The following ABLIM1 variants were observed in gnomAD, a reference collection of about 807,000 sequenced individuals.
ABLIM1 encodes the protein actin binding LIM protein 1, also known as actin-binding LIM protein 1.
Under a neutral mutation model 107.0 loss-of-function variants are expected in ABLIM1, and 40 were observed. The ratio of observed to expected loss-of-function variants is 0.37; its 90% CI spans 0.29 to 0.49. The LOEUF (loss-of-function observed/expected upper bound fraction) is 0.49, where lower values mean the gene tolerates loss of function less well. Among genes scored for constraint, ABLIM1 ranks in the 20% least tolerant of loss-of-function variants. ABLIM1 has a pLI of 0.97. For synonymous variants in ABLIM1, 357 were observed against 357.3 expected, an observed-to-expected ratio of 1.00 and a Z score of 0.01; for missense variants, 857 against 1,008.5, an observed-to-expected ratio of 0.85 and a Z score of 2.04.
At chr10:114,721,267 T>C (rs2081839993) in intron 1 of ABLIM1, among the ~76,000 whole-genome samples, 1 of 152,136 alleles carries the variant, frequency 6.6e-6, no homozygotes, top group Admixed American at 6.5e-5. Context: ...GCTTCACCTC[T>C]GGGAGTGGAG....
At chr10:114,796,429 G>A in the ABLIM1 span, among the ~76,000 whole-genome samples, 3 of 152,178 alleles carry the variant, frequency 2.0e-5, no homozygotes, top group African/African-American at 4.8e-5. Flanking sequence ...GGTTGTTTGT[G>A]ATATGTCAGT....
At chr10:114,489,066 G>A (rs1439665483) in intron 7 of ABLIM1, among the ~76,000 whole-genome samples, 1 of 151,774 alleles carries the variant, frequency 6.6e-6, no homozygotes, top group Non-Finnish European at 1.5e-5. Context: ...TCCCAGGCTG[G>A]AGTGCAAGTG....
At chr10:114,603,609 A>C (rs2076192913) in intron 1 of ABLIM1, among the ~76,000 whole-genome samples, 1 of 151,814 alleles carries the variant, frequency 6.6e-6, no homozygotes, top group Non-Finnish European at 1.5e-5. Flanking sequence ...GATGTGTATG[A>C]AGGCCAAAAA....
At chr10:114,553,034 A>G (rs888425499) in intron 4 of ABLIM1, among the ~76,000 whole-genome samples, 7 of 152,216 alleles carry the variant, frequency 4.6e-5, no homozygotes, top group Non-Finnish European at 7.3e-5. Context: ...TCTCCTGGGC[A>G]GCAATTAAGC....
chr10:114,478,700 T>C (rs1236997173), intron 8 of ABLIM1, among the ~76,000 whole-genome samples: 1 of 152,238 alleles, frequency 6.6e-6, no homozygotes, highest in Admixed American at 6.5e-5. Flanking sequence ...CTTTTCTTTA[T>C]AAATTACCCC....
chr10:114,647,863 AT>A (rs2079073034), intron 1 of ABLIM1, among the ~76,000 whole-genome samples: 2 of 152,242 alleles, frequency 1.3e-5, no homozygotes, highest in Non-Finnish European at 2.9e-5. Flanking sequence ...CAGAAAGTGA[AT>A]TTACAAGCCA....
chr10:114,673,634 G>C (rs1407915758), intron 1 of ABLIM1, among the ~76,000 whole-genome samples: 1 of 152,192 alleles, frequency 6.6e-6, no homozygotes, highest in African/African-American at 2.4e-5. Context: ...TCCTTGGAGA[G>C]GTCTTCCTGG....
chr10:114,575,175 C>T (rs1455486701), intron 3 of ABLIM1, among the ~76,000 whole-genome samples: 1 of 152,170 alleles, frequency 6.6e-6, no homozygotes, highest in Non-Finnish European at 1.5e-5. Context: ...CCCAGAGCTG[C>T]TTTCAGAATT....
At position 114,440,215 on chromosome 10, in the gene ABLIM1, T is replaced by G. The variant is rs564864913; in HGVS notation, c.2060-126A>C. ...CCTATAAACCATGTTCTTTTTCTGC[T>G]CCCAGACTCTGCACATGTTATCCCA... On this transcript the variant is annotated intron_variant, in intron 19 of 22. Coordinates refer to ENST00000533213, the MANE Select transcript of ABLIM1 (RefSeq NM_002313.7). The G allele has an allele frequency of 5.8e-4, 563 of 964,400 alleles. 6 individuals are homozygous for G. In the South Asian group the frequency reaches 7.7e-3, roughly 13 times the overall value. The allele number at this position is 964,400 out of a possible 1,614,324, so 59.7% of individuals were successfully genotyped here.
At chr10:114,451,568 G>C (rs752234288) in intron 14 of ABLIM1, 56 bp downstream of exon 14, 8 of 1,504,846 alleles carry the variant, frequency 5.3e-6, no homozygotes, top group Non-Finnish European at 7.4e-6. Context: ...GGACAGCAAG[G>C]AGAAGTTCAG....
chr10:114,460,019 A>G (rs2063540487), intron 12 of ABLIM1, among the ~76,000 whole-genome samples: 1 of 152,250 alleles, frequency 6.6e-6, no homozygotes, highest in African/African-American at 2.4e-5. Context: ...TAAATGACTG[A>G]GGATCATTCT....
At chr10:114,633,357 G>A (rs2078297082) in intron 1 of ABLIM1, among the ~76,000 whole-genome samples, 1 of 152,104 alleles carries the variant, frequency 6.6e-6, no homozygotes, top group South Asian at 2.1e-4. Flanking sequence ...ATCTTGGGCA[G>A]GTCTTCATTG....
chr10:114,508,052 C>G (rs867332732), intron 6 of ABLIM1, among the ~76,000 whole-genome samples: 1 of 152,242 alleles, frequency 6.6e-6, no homozygotes, highest in Admixed American at 6.5e-5. Flanking sequence ...AGGCTTCCAT[C>G]CCCGTTGCTC....
At position 114,767,320 on chromosome 10, in the gene ABLIM1, G is replaced by T. The variant is rs781192212; in HGVS notation, c.-213+741C>A. 4.9e-4 allele frequency among the ~76,000 whole-genome samples: 75 copies of T among 152,042 alleles called. 1 individual carries two copies. The highest frequency in any genetic ancestry group is 2.2e-4 in the Non-Finnish European group (15 of 68,004). The stretch of plus-strand genomic sequence containing the variant: ...TCAATATTTTCTTTAAATGCTTACG[G>T]CAAAGCAACCAATTCACTTCATTTT... On this transcript the variant is annotated intron_variant, in intron 1 of 15. Transcript: ENST00000651092.
chr10:114,464,473 AC>A (rs2064704780), intron 12 of ABLIM1, among the ~76,000 whole-genome samples: 1 of 152,216 alleles, frequency 6.6e-6, no homozygotes, highest in South Asian at 2.1e-4. Flanking sequence ...GGCATGAGCC[AC>A]CACGCCTGGC....
At chr10:114,664,009 G>A (rs540703197) in intron 1 of ABLIM1, among the ~76,000 whole-genome samples, 237 of 152,250 alleles carry the variant, frequency 1.6e-3, no homozygotes, top group Non-Finnish European at 2.6e-3. Flanking sequence ...ACTCACTCTG[G>A]CAAACCTCAT....
chr10:114,722,925 C>T (rs187782124), intron 1 of ABLIM1, among the ~76,000 whole-genome samples: 17 of 152,316 alleles, frequency 1.1e-4, no homozygotes, highest in African/African-American at 3.8e-4. Flanking sequence ...CTGAGCTACT[C>T]CTTCCTTCTG....
Position 114,691,923 on chromosome 10 carries a change from A to G in ABLIM1, c.-213+76138T>C, listed in dbSNP as rs543866015. ...TTTTGCTGTTGTGAAAGGGTAGGAAAACAGAATAAACACCTAGAAGACACA... is the reference window on the plus strand; with the variant it reads ...TTTTGCTGTTGTGAAAGGGTAGGAAGACAGAATAAACACCTAGAAGACACA... On this transcript the variant is annotated intron_variant, in intron 1 of 15. Transcript: ENST00000651092. Among the ~76,000 whole-genome samples, 87 of 152,314 alleles carry G rather than the reference A, an allele frequency of 5.7e-4. 2 individuals carry two copies. The South Asian group carries it at 0.017, about 30-fold the overall frequency.
chr10:114,727,845 C>T lies in ABLIM1; in HGVS notation c.-213+40216G>A, dbSNP rs1446399545. 3.3e-5 allele frequency among the ~76,000 whole-genome samples: 5 copies of T among 152,212 alleles called. No homozygotes were observed. In the East Asian group the frequency reaches 9.7e-4, roughly 29 times the overall value. ...TGGCTCATGCCTGTATTCCTAGCTA[C>T]CCGGGAAGTCAAGGCTACAGTGAGC... On this transcript the variant is annotated intron_variant, in intron 1 of 15. Transcript: ENST00000651092.
Sources: allele counts gnomAD v4.1 joint callset (sites outside exome capture counted in the v4.1 genomes callset), GRCh38; gene constraint gnomAD v4.1.1; transcripts MANE v1.5; gene names NCBI Gene and HGNC (gene_info 2026-07-23, HGNC 2026-07-21).